The following IL1RAPL2 variants were observed in gnomAD, a reference collection of about 807,000 sequenced individuals.
IL1RAPL2 encodes X-linked interleukin-1 receptor accessory protein-like 2.
A neutral mutation model predicts 44.1 loss-of-function variants in IL1RAPL2; 3 were observed. That is an observed-to-expected ratio of 0.07 (90% confidence interval 0.03 to 0.18). The LOEUF is 0.18. Among genes scored for constraint, IL1RAPL2 ranks in the 10% least tolerant of loss-of-function variants. The probability of loss-of-function intolerance (pLI) is 1.00; values close to 1 mark genes in which losing one functional copy is unlikely to be tolerated. For missense variants in IL1RAPL2, 391 were observed against 496.4 expected, an observed-to-expected ratio of 0.79 and a Z score of 2.02; for synonymous variants, 181 against 178.8, an observed-to-expected ratio of 1.01 and a Z score of -0.10.
At chrX:105,230,253 T>C (rs367870967) in intron 3 of IL1RAPL2, among the ~76,000 whole-genome samples, 1 of 110,867 alleles carries the variant, frequency 9.0e-6, no homozygotes, top group African/African-American at 3.3e-5. Flanking sequence ...TCAATGTATC[T>C]TTTTGATCCT....
chrX:105,157,152 T>C (rs977772648), intron 2 of IL1RAPL2, among the ~76,000 whole-genome samples: 3 of 103,439 alleles, frequency 2.9e-5, no homozygotes, highest in Non-Finnish European at 4.0e-5. Flanking sequence ...AAAAAAAGCA[T>C]ATGCCATGAA....
intron 1 of IL1RAPL2, among the ~76,000 whole-genome samples, chrX:104,623,515 C>T (rs1929439775): frequency 9.0e-6 from 1 of 110,785 alleles, no homozygotes; most frequent in Non-Finnish European, 1.9e-5. Flanking sequence ...GTATTCACAC[C>T]ACAGGAATAG....
chrX:105,349,253 A>T (rs1718242622), intron 5 of IL1RAPL2, among the ~76,000 whole-genome samples: 1 of 111,837 alleles, frequency 8.9e-6, no homozygotes, highest in Non-Finnish European at 1.9e-5. Flanking sequence ...TCAAAATTAA[A>T]GGGGAAAGGT....
chrX:104,582,822 C>CTCTTTCTTTCTCTTTCTT (rs1928424324), intron 1 of IL1RAPL2, among the ~76,000 whole-genome samples: 7 of 40,663 alleles, frequency 1.7e-4, no homozygotes, highest in Non-Finnish European at 2.9e-4. Context: ...TCCTTTCTTT[C>CTCTTTCTTTCTCTTTCTT]TCTTTCTTTC....
intron 2 of IL1RAPL2, among the ~76,000 whole-genome samples, chrX:104,880,087 C>T (rs1923023088): frequency 9.1e-6 from 1 of 110,437 alleles, no homozygotes; most frequent in Non-Finnish European, 1.9e-5. Flanking sequence ...TTTTTTTTAT[C>T]TGCTACTCTT....
chrX:105,458,010 C>A (rs1159691816), intron 5 of IL1RAPL2, among the ~76,000 whole-genome samples: 1 of 111,193 alleles, frequency 9.0e-6, no homozygotes, highest in Admixed American at 9.7e-5. Flanking sequence ...AAATTATAAC[C>A]AATCTAATGG....
intron 5 of IL1RAPL2, among the ~76,000 whole-genome samples, chrX:105,437,976 G>T (rs753615920): frequency 8.9e-6 from 1 of 112,088 alleles, no homozygotes; most frequent in Non-Finnish European, 1.9e-5. Flanking sequence ...AGAGATGCCA[G>T]TCAAGCCACT....
chrX:105,058,733 A>T (rs1198646258), intron 2 of IL1RAPL2, among the ~76,000 whole-genome samples: 3 of 112,133 alleles, frequency 2.7e-5, no homozygotes, highest in Admixed American at 9.4e-5. Flanking sequence ...ACTTAGAACA[A>T]TTCAGATAAT....
rs1352803525 is a variant in IL1RAPL2, at chrX:104,845,042, TC to T, written c.82+186048del. 5.4e-5 allele frequency among the ~76,000 whole-genome samples: 6 copies of T among 111,888 alleles called. No individual in the cohort carries two copies. In the Admixed American group the frequency reaches 5.7e-4, roughly 11 times the overall value. On this transcript the variant is annotated intron_variant, in intron 2 of 10. Transcript: ENST00000372582. ...CCCTTCCAACAAAGTTTTGACATAATCTTCTAATCTCTTCAAACTTTAAAGC... is the reference window on the plus strand; with the variant it reads ...CCCTTCCAACAAAGTTTTGACATAATTTCTAATCTCTTCAAACTTTAAAGC...
At chrX:104,975,908 A>G (rs182270394) in intron 2 of IL1RAPL2, among the ~76,000 whole-genome samples, 196 of 111,359 alleles carry the variant, frequency 1.8e-3, no homozygotes, top group African/African-American at 6.0e-3. Flanking sequence ...AGGAGACTCC[A>G]GGGAGGGCAT....
rs747673445 is a variant in IL1RAPL2 at position 104,975,569 on chromosome X, T to TA, written c.83-219904dup. ...GTTAAATCAAAGAACATGGTAAACT[T>TA]AACAAACTACTCTATAAACTTTTTT... On this transcript the variant is annotated intron_variant, in intron 2 of 10. Coordinates refer to ENST00000372582, the MANE Select transcript of IL1RAPL2 (RefSeq NM_017416.2). Among the ~76,000 whole-genome samples the TA allele has an allele frequency of 5.3e-5, 6 of 112,828 alleles. No homozygotes were observed. The South Asian group carries it at 2.2e-3, about 41-fold the overall frequency.
At chrX:104,883,676 T>C (rs760956790) in intron 2 of IL1RAPL2, among the ~76,000 whole-genome samples, 3 of 111,188 alleles carry the variant, frequency 2.7e-5, no homozygotes, top group Non-Finnish European at 1.9e-5. Flanking sequence ...CCTATAAGAA[T>C]GATTTCTAGT....
intron 9 of IL1RAPL2, among the ~76,000 whole-genome samples, chrX:105,754,747 A>G (rs1372148179): frequency 1.8e-5 from 2 of 112,308 alleles, no homozygotes; most frequent in African/African-American, 3.2e-5. Context: ...TCTAGGGCCC[A>G]GCCCCTGTTG....
intron 2 of IL1RAPL2, among the ~76,000 whole-genome samples, chrX:104,990,310 G>A (rs1210864591): frequency 8.9e-6 from 1 of 112,060 alleles, no homozygotes; most frequent in East Asian, 2.8e-4. Context: ...AATTTGGCTT[G>A]GGTAATGGGA....
intron 2 of IL1RAPL2, among the ~76,000 whole-genome samples, chrX:104,764,837 G>A (rs1177909100): frequency 8.9e-6 from 1 of 112,034 alleles, no homozygotes; most frequent in African/African-American, 3.2e-5. Flanking sequence ...CCTTCATTCT[G>A]TCGATATGTT....
At chrX:105,278,385 T>C (rs1404054645) in intron 5 of IL1RAPL2, among the ~76,000 whole-genome samples, 1 of 111,598 alleles carries the variant, frequency 9.0e-6, no homozygotes, top group East Asian at 2.8e-4. Flanking sequence ...GACTCCTAGC[T>C]ATGTAGTTTC....
intron 6 of IL1RAPL2, among the ~76,000 whole-genome samples, chrX:105,592,667 T>G (rs1387183980): frequency 8.9e-6 from 1 of 112,025 alleles, no homozygotes; most frequent in African/African-American, 3.2e-5. Context: ...GAAAAGGATC[T>G]TATTTCTTCT....
chrX:105,709,490 C>G (rs996622258), intron 6 of IL1RAPL2, among the ~76,000 whole-genome samples: 2 of 111,943 alleles, frequency 1.8e-5, no homozygotes, highest in Non-Finnish European at 3.8e-5. Context: ...TTCTAACACT[C>G]TAGGCCAGCT....
At chrX:104,645,111 C>T (rs937622459) in intron 1 of IL1RAPL2, among the ~76,000 whole-genome samples, 2 of 111,260 alleles carry the variant, frequency 1.8e-5, no homozygotes, top group Non-Finnish European at 3.8e-5. Flanking sequence ...TTGTAGGCTA[C>T]TCTGAACCTT....
Sources: allele counts gnomAD v4.1 joint callset (sites outside exome capture counted in the v4.1 genomes callset), GRCh38; gene constraint gnomAD v4.1.1; transcripts MANE v1.5; gene names NCBI Gene and HGNC (gene_info 2026-07-23, HGNC 2026-07-21).